Variants in MYO3B observed in about 807,000 individuals in gnomAD.
MYO3B encodes the protein myosin IIIB, also known as myosin-IIIb.
A neutral mutation model predicts 174.6 loss-of-function variants in MYO3B; 156 were observed. That is an observed-to-expected ratio of 0.89 (90% CI 0.78 to 1.02). The LOEUF (loss-of-function observed/expected upper bound fraction) is 1.02. Among genes scored for constraint, MYO3B ranks in the 50% least tolerant of loss-of-function variants. MYO3B has a pLI of 0.00. For missense variants in MYO3B, 1,632 were observed against 1,639.4 expected (o/e 1.00, Z 0.08); for synonymous variants, 563 against 569.1 (o/e 0.99, Z 0.15).
intron 30 of MYO3B, among the ~76,000 whole-genome samples, chr2:170,542,475 A>G (rs936282177): frequency 4.6e-5 from 7 of 152,222 alleles, no homozygotes; most frequent in Non-Finnish European, 7.3e-5. Flanking sequence ...CTTTCAAACT[A>G]CGCCCAACCT....
intron 17 of MYO3B, 89 bp from the exon 18 acceptor site, chr2:170,401,392 G>C (rs2094474869): frequency 8.1e-7 from 1 of 1,229,326 alleles, no homozygotes; most frequent in African/African-American, 1.5e-5. Context: ...AATGGAGTCT[G>C]GCACATAGTA....
At chr2:170,360,004 T>C (rs1296501151) in intron 8 of MYO3B, among the ~76,000 whole-genome samples, 2 of 152,162 alleles carry the variant, frequency 1.3e-5, no homozygotes, top group African/African-American at 4.8e-5. Flanking sequence ...ATGTGTAAGT[T>C]TGGTATTACC....
At chr2:170,527,615 A>G (rs1689086339) in intron 30 of MYO3B, among the ~76,000 whole-genome samples, 2 of 152,212 alleles carry the variant, frequency 1.3e-5, no homozygotes, top group African/African-American at 4.8e-5. Context: ...CTGTCTGCAG[A>G]GCACCATCTA....
At chr2:170,520,091 G>A (rs887677652) in intron 30 of MYO3B, 5 of 152,020 alleles carry the variant, frequency 3.3e-5, no homozygotes, top group African/African-American at 1.2e-4. Context: ...TCTATACTTA[G>A]CGTCATCAGG....
rs1243592253 is a variant in MYO3B, at chr2:170,306,880, ACT to A, written c.750-28502_750-28501del. Among the ~76,000 whole-genome samples the A allele has an allele frequency of 6.6e-5, 10 of 152,146 alleles. No individual in the cohort carries two copies. The East Asian group carries it at 1.5e-3, about 24-fold the overall frequency. On this transcript the variant is annotated intron_variant, in intron 7 of 34. Coordinates refer to ENST00000408978, the MANE Select transcript of MYO3B (RefSeq NM_138995.5). ...TTGCATGTATTTTGCATATTTGGAG[ACT>A]CTAGTAGAAAACTACGTTTTAATTA...
intron 23 of MYO3B, among the ~76,000 whole-genome samples, chr2:170,447,234 G>C (rs978617716): frequency 6.6e-6 from 1 of 152,160 alleles, no homozygotes; most frequent in Non-Finnish European, 1.5e-5. Flanking sequence ...CCAACACATG[G>C]AGCAGCACTG....
At chr2:170,203,268 T>C (rs2092681316) in intron 3 of MYO3B, among the ~76,000 whole-genome samples, 1 of 152,212 alleles carries the variant, frequency 6.6e-6, no homozygotes, top group Non-Finnish European at 1.5e-5. Flanking sequence ...TATTTTCTTT[T>C]TCCTTTTAGT....
At chr2:170,392,088 G>A (rs539088119) in intron 15 of MYO3B, among the ~76,000 whole-genome samples, 17 of 145,492 alleles carry the variant, frequency 1.2e-4, no homozygotes, top group South Asian at 8.8e-4. Flanking sequence ...GTGCCACTGC[G>A]CTCCAGCCTG....
chr2:170,487,507 G>C (rs1020987999), intron 25 of MYO3B, among the ~76,000 whole-genome samples: 1 of 152,198 alleles, frequency 6.6e-6, no homozygotes, highest in Non-Finnish European at 1.5e-5. Context: ...TTACAAAGTG[G>C]TGAATGGTGA....
chr2:170,597,107 A>G (rs1385322539), intron 32 of MYO3B, among the ~76,000 whole-genome samples: 1 of 152,114 alleles, frequency 6.6e-6, no homozygotes, highest in South Asian at 2.1e-4. Flanking sequence ...AGTAGGCTCC[A>G]TGTTGTCTCT....
intron 9 of MYO3B, among the ~76,000 whole-genome samples, chr2:170,375,937 C>G (rs1160081177): frequency 6.6e-6 from 1 of 152,126 alleles, no homozygotes; most frequent in Non-Finnish European, 1.5e-5. Context: ...ATACCTATAT[C>G]TGTCTATCTA....
At chr2:170,508,226 A>G (rs765267046) in intron 28 of MYO3B, among the ~76,000 whole-genome samples, 7 of 152,184 alleles carry the variant, frequency 4.6e-5, no homozygotes, top group Admixed American at 6.5e-5. Flanking sequence ...AGCATTCCAG[A>G]GTCTAGCTGC....
chr2:170,205,727 T>A (rs763982286), intron 3 of MYO3B, among the ~76,000 whole-genome samples: 40 of 152,112 alleles, frequency 2.6e-4, no homozygotes, highest in Admixed American at 5.9e-4. Flanking sequence ...TACGTCAATA[T>A]CTTCCAATGG....
At chr2:170,403,643 C>T (rs2105802999) in intron 19 of MYO3B, among the ~76,000 whole-genome samples, 1 of 152,320 alleles carries the variant, frequency 6.6e-6, no homozygotes, top group East Asian at 1.9e-4. Context: ...AACATTCTGG[C>T]TAAGCCTCTT....
intron 28 of MYO3B, 22 bp from the exon 29 acceptor site, chr2:170,514,899 G>C (rs1688208733): frequency 6.2e-7 from 1 of 1,606,990 alleles, no homozygotes; most frequent in Non-Finnish European, 8.5e-7. Context: ...CCTTGAGAAA[G>C]TCTTTTTGTT....
chr2:170,414,597 G>T (rs2094566501), intron 22 of MYO3B, among the ~76,000 whole-genome samples: 1 of 152,154 alleles, frequency 6.6e-6, no homozygotes, highest in East Asian at 1.9e-4. Context: ...TTTAAATGCA[G>T]CTTGTCTATA....
At chr2:170,589,390 G>C (rs73978725) in intron 32 of MYO3B, among the ~76,000 whole-genome samples, 3 of 152,270 alleles carry the variant, frequency 2.0e-5, no homozygotes, top group African/African-American at 4.8e-5. Flanking sequence ...GTTTCAGAAG[G>C]CATTGTTGTC....
intron 7 of MYO3B, among the ~76,000 whole-genome samples, chr2:170,331,777 G>T (rs565145144): frequency 9.9e-5 from 15 of 152,232 alleles, no homozygotes; most frequent in African/African-American, 3.4e-4. Context: ...CTAGATATCG[G>T]CTGAGGCCCG....
intron 16 of MYO3B, among the ~76,000 whole-genome samples, chr2:170,399,737 G>A (rs1304527923): frequency 6.6e-6 from 1 of 152,194 alleles, no homozygotes; most frequent in Admixed American, 6.5e-5. Context: ...GAATTTGGGA[G>A]CTGGTATTAG....
Sources: allele counts gnomAD v4.1 joint callset (sites outside exome capture counted in the v4.1 genomes callset), GRCh38; gene constraint gnomAD v4.1.1; transcripts MANE v1.5; gene names NCBI Gene and HGNC (gene_info 2026-07-23, HGNC 2026-07-21).